Variants in RASA3 observed in about 807,000 individuals in gnomAD.
RASA3 encodes RAS p21 protein activator 3.
Under a neutral mutation model 110.0 loss-of-function variants are expected in RASA3, and 73 were observed. That is an observed-to-expected ratio of 0.66 (90% CI 0.55 to 0.81). RASA3 has a LOEUF of 0.81. RASA3 is among the 30% of genes least tolerant of loss of function. The pLI, the probability that RASA3 is intolerant of heterozygous loss-of-function variation, is 0.00. For missense variants in RASA3, 976 were observed against 1,113.2 expected, an observed-to-expected ratio of 0.88 and a Z score of 1.75; for synonymous variants, 500 against 451.4, an observed-to-expected ratio of 1.11 and a Z score of -1.37.
chr13:114,039,469 G>T (rs1203131072), intron 4 of RASA3, among the ~76,000 whole-genome samples: 1 of 152,092 alleles, frequency 6.6e-6, no homozygotes, highest in Non-Finnish European at 1.5e-5. Context: ...GACCCAGGAA[G>T]CCGTCCGGTG....
At chr13:114,090,097 C>T (rs920907755) in intron 1 of RASA3, among the ~76,000 whole-genome samples, 3 of 152,158 alleles carry the variant, frequency 2.0e-5, no homozygotes, top group Admixed American at 6.5e-5. Flanking sequence ...TGAATGGTGC[C>T]GCTGTGAAGT....
At chr13:114,025,515 G>A (rs1195435892) in intron 7 of RASA3, among the ~76,000 whole-genome samples, 1 of 152,114 alleles carries the variant, frequency 6.6e-6, no homozygotes, top group African/African-American at 2.4e-5. Context: ...CTCTCTGCAG[G>A]GCAGGTCGGG....
rs200543127 is a variant in RASA3, at chr13:114,014,024, C to CTA, written c.1406-777_1406-776insTA. Among the ~76,000 whole-genome samples, 561 of 120,094 alleles carry CTA rather than the reference C, an allele frequency of 4.7e-3. 19 individuals carry two copies. Among genetic ancestry groups the CTA allele is most frequent in the African/African-American group, 0.014 (526 of 36,696 alleles). 78.8% of individuals were successfully genotyped at this position (120,094 alleles called of 152,430 possible). A position where few individuals can be genotyped will look rare whatever the true frequency, so the allele number is the denominator to read the frequency against. The stretch of plus-strand genomic sequence containing the variant: ...CGTCTGTCTCTGTCTCTCTCCATCT[C>CTA]TCTCTCTCCGTCTCTATCTCTCTCT... On this transcript the variant is annotated intron_variant, in intron 14 of 23. Coordinates refer to ENST00000334062, the MANE Select transcript of RASA3 (RefSeq NM_007368.4). The surrounding 1 kb of genome is among the most constrained non-coding windows in gnomAD (Gnocchi z 4.5).
chr13:114,066,384 AG>A (rs1407471973), intron 2 of RASA3, among the ~76,000 whole-genome samples: 2 of 152,138 alleles, frequency 1.3e-5, no homozygotes, highest in Non-Finnish European at 1.5e-5. Flanking sequence ...GGCAGGAGAG[AG>A]GGCCAGCGGC....
At chr13:114,117,506 T>C (rs2080302623) in intron 1 of RASA3, among the ~76,000 whole-genome samples, 1 of 119,298 alleles carries the variant, frequency 8.4e-6, no homozygotes, top group Non-Finnish European at 1.7e-5. Flanking sequence ...GGGGTGCACA[T>C]CTGTGGGTGA....
intron 4 of RASA3, among the ~76,000 whole-genome samples, chr13:114,031,536 CTGTGTA>C (rs949468171): frequency 1.5e-4 from 11 of 74,990 alleles, no homozygotes; most frequent in African/African-American, 8.0e-4. Context: ...GTGTGTCCAC[CTGTGTA>C]TGTGTGTTTG....
rs114028959 is a variant in RASA3 at position 114,016,140 on chromosome 13, C to T, written c.1281+57G>A. The stretch of plus-strand genomic sequence containing the variant: ...TGAGTCAGAGCTTCCAGGCAGCCAT[C>T]GGCTGAAAAACCCCAAGCAGGTGAC... On this transcript the variant is annotated intron_variant, in intron 13 of 23. Coordinates refer to ENST00000334062, the MANE Select transcript of RASA3 (RefSeq NM_007368.4). The T allele has an allele frequency of 1.6e-3, 2,284 of 1,453,248 alleles. 43 individuals carry two copies. In the African/African-American group the frequency reaches 0.028, roughly 18 times the overall value. The allele number at this position is 1,453,248 out of a possible 1,614,324, so 90.0% of individuals were successfully genotyped here.
At chr13:114,049,866 G>A (rs546047966) in intron 3 of RASA3, among the ~76,000 whole-genome samples, 5 of 152,360 alleles carry the variant, frequency 3.3e-5, no homozygotes, top group Admixed American at 2.6e-4. Context: ...CAACAGGCAA[G>A]AGAACCACAA....
chr13:113,981,785 G>C lies in RASA3; in HGVS notation c.2319C>G (p.Pro773=). 6.2e-7 allele frequency: 1 copy of C among 1,614,098 alleles called. No homozygotes were observed. Residue 773 remains proline (P), a synonymous_variant, in exon 23 of 24, where the codon CCC becomes CCG. Coordinates refer to ENST00000334062, the MANE Select transcript of RASA3 (RefSeq NM_007368.4). ...GCTTTAGCGTCTTGTAGGTCTCCTG[G>C]GGGTCGTCAATGACGAACGTCGAAT... The part of the protein sequence containing the change: ...EEYSTFVIDD[P]QETYKTLKQV...
chr13:114,100,165 A>C (rs940975470), intron 1 of RASA3, among the ~76,000 whole-genome samples: 1 of 151,444 alleles, frequency 6.6e-6, no homozygotes, highest in African/African-American at 2.4e-5. Flanking sequence ...GCCGAATGGT[A>C]AATGGAGGAG....
At position 114,114,467 on chromosome 13, in the gene RASA3, T is replaced by C. The variant is rs939513995; in HGVS notation, c.55+17968A>G. 6.6e-6 allele frequency among the ~76,000 whole-genome samples: 1 copy of C among 152,156 alleles called. No homozygotes were observed. Among genetic ancestry groups the C allele is most frequent in the African/African-American group, 2.4e-5 (1 of 41,440 alleles). On this transcript the variant is annotated intron_variant, in intron 1 of 23. Transcript: ENST00000334062. The surrounding 1 kb of genome is among the most constrained non-coding windows in gnomAD (Gnocchi z 4.8). ...CTAATCAGCAAATGCTCCTTGCACA[T>C]TTCCTAGCTCTGTCAGCCAAAGTGA... is the stretch of plus-strand genomic sequence containing the variant.
chr13:114,131,648 G>A (rs1229138717), intron 1 of RASA3, among the ~76,000 whole-genome samples: 3 of 152,208 alleles, frequency 2.0e-5, no homozygotes, highest in African/African-American at 7.2e-5. Flanking sequence ...GGGACGTGGT[G>A]CCGATGGGTC....
At chr13:113,999,456 C>T (rs1044580194) in intron 20 of RASA3, 129 bp downstream of exon 20, 39 of 717,122 alleles carry the variant, frequency 5.4e-5, no homozygotes, top group African/African-American at 5.1e-4. Flanking sequence ...CCGAGTAACA[C>T]GAAGACTCTG....
At chr13:114,005,199 C>T (rs751752352) in intron 18 of RASA3, among the ~76,000 whole-genome samples, 2 of 152,146 alleles carry the variant, frequency 1.3e-5, no homozygotes, top group East Asian at 1.9e-4. Flanking sequence ...GACGGTTTCA[C>T]GAGAAGCCCC....
intron 8 of RASA3, 78 bp from the exon 9 acceptor site, chr13:114,021,586 T>TC: frequency 1.7e-6 from 2 of 1,190,736 alleles, no homozygotes; most frequent in Non-Finnish European, 2.4e-6. Flanking sequence ...CACGCTTTGT[T>TC]CCCCCAGGAG....
rs1193683673 is a variant in RASA3, at chr13:114,014,069, TCTCC to T, written c.1406-825_1406-822del. 1.3e-5 allele frequency among the ~76,000 whole-genome samples: 2 copies of T among 151,052 alleles called. No individual in the cohort carries two copies. The highest frequency in any genetic ancestry group is 1.3e-4 in the Admixed American group (2 of 15,152). On this transcript the variant is annotated intron_variant, in intron 14 of 23. Coordinates refer to ENST00000334062, the MANE Select transcript of RASA3 (RefSeq NM_007368.4). This position sits in a 1 kb window ranked among gnomAD's most constrained non-coding sequence, Gnocchi z 4.5. Reference sequence around the variant, plus strand: ...CTCTCTCCGTCTGTCTCTGCCTCTCTCTCCGTCTGTCTCTGCCTCTCTCTCCGTC... The same window carrying T: ...CTCTCTCCGTCTGTCTCTGCCTCTCTGTCTGTCTCTGCCTCTCTCTCCGTC...
intron 1 of RASA3, among the ~76,000 whole-genome samples, chr13:114,106,993 G>A (rs1461048338): frequency 6.6e-6 from 1 of 152,214 alleles, no homozygotes; most frequent in Non-Finnish European, 1.5e-5. Context: ...CCCTCAGCCA[G>A]GCCCCCCCAG....
rs71449053 is a variant in RASA3 at position 114,008,949 on chromosome 13, T to C, written c.1668+438A>G. 8.2e-3 allele frequency among the ~76,000 whole-genome samples: 473 copies of C among 57,998 alleles called. 31 individuals carry two copies. The highest frequency in any genetic ancestry group is 0.038 in the Middle Eastern group (2 of 52). 38.0% of individuals were successfully genotyped at this position (57,998 alleles called of 152,430 possible). ...GAGGAGCAGAGCCCTGCGGTCTGGA[T>C]GTTCCCCACGCACCGCGTTCCTAAC... is the stretch of plus-strand genomic sequence containing the variant. On this transcript the variant is annotated intron_variant, in intron 17 of 23. Transcript: ENST00000334062.
chr13:113,980,112 A>G (rs74843908), intron 23 of RASA3, among the ~76,000 whole-genome samples: 41,082 of 126,828 alleles, frequency 0.32, 6,574 homozygotes, highest in Non-Finnish European at 0.38. Flanking sequence ...CCCCTCTCGC[A>G]TGTGTGCACC....
Sources: gnomAD v4.1 joint callset for allele counts (sites outside exome capture counted in the v4.1 genomes callset) on GRCh38, gnomAD v4.1.1 for gene constraint, Gnocchi (gnomAD v3.1) non-coding constraint, MANE v1.5 for transcripts, NCBI Gene and HGNC (gene_info 2026-07-23, HGNC 2026-07-21) for gene names.